RMST: variants seen among roughly 807,000 people sequenced by gnomAD.
The protein encoded by RMST is rhabdomyosarcoma 2 associated transcript.
chr12:97,551,745 G>A (rs1344804169), intron 11 of RMST: 4 of 152,068 alleles, frequency 2.6e-5, no homozygotes, highest in Non-Finnish European at 4.4e-5. Flanking sequence ...TATCACCCAC[G>A]AGGGAGGATC....
At chr12:97,463,205 A>C (rs1047790131) in exon 4 of RMST, 1 of 152,270 alleles carries the variant, frequency 6.6e-6, no homozygotes, top group East Asian at 1.9e-4. Flanking sequence ...AGAGCAGTAC[A>C]CACAGTGGAG....
At chr12:97,528,147 A>C (rs1487352324) in intron 10 of RMST, among the ~76,000 whole-genome samples, 2 of 152,142 alleles carry the variant, frequency 1.3e-5, no homozygotes, top group African/African-American at 4.8e-5. Context: ...GCATTAAAGC[A>C]AACTTTTGTA....
chr12:97,485,314 G>A (rs1875957010), intron 5 of RMST, among the ~76,000 whole-genome samples: 1 of 152,094 alleles, frequency 6.6e-6, no homozygotes, highest in Admixed American at 6.6e-5. Context: ...TTATTAAAAA[G>A]TATTAATTTA....
intron 10 of RMST, among the ~76,000 whole-genome samples, chr12:97,523,010 T>C (rs188236006): frequency 6.6e-6 from 1 of 152,328 alleles, no homozygotes; most frequent in Non-Finnish European, 1.5e-5. Flanking sequence ...TAGTAAATGC[T>C]TCCAGAATTG....
chr12:97,497,973 A>G (rs1369374275), intron 10 of RMST, among the ~76,000 whole-genome samples: 1 of 152,160 alleles, frequency 6.6e-6, no homozygotes, highest in Non-Finnish European at 1.5e-5. Flanking sequence ...AAGATCAATC[A>G]TCCATGGTTC....
chr12:97,549,150 A>G (rs1055040965), intron 11 of RMST, among the ~76,000 whole-genome samples: 4 of 152,180 alleles, frequency 2.6e-5, no homozygotes, highest in African/African-American at 4.8e-5. Flanking sequence ...TTAGCATTCA[A>G]ACGAGGTTCC....
intron 11 of RMST, among the ~76,000 whole-genome samples, chr12:97,537,873 T>C (rs925689565): frequency 1.3e-5 from 2 of 151,548 alleles, no homozygotes; most frequent in Admixed American, 6.6e-5. Context: ...AATGTGAATA[T>C]TTTACTCAAC....
chr12:97,476,079 G>C (rs1285145610), intron 5 of RMST, among the ~76,000 whole-genome samples: 1 of 152,108 alleles, frequency 6.6e-6, no homozygotes, highest in East Asian at 1.9e-4. Context: ...TTTCAGTAAA[G>C]ATTCTGGATA....
chr12:97,468,659 T>C (rs1385148434), intron 5 of RMST, among the ~76,000 whole-genome samples: 1 of 152,032 alleles, frequency 6.6e-6, no homozygotes, highest in Non-Finnish European at 1.5e-5. Flanking sequence ...GTCAGGAACA[T>C]ATGGTTTGTA....
chr12:97,493,620 C>T (rs1877097810), intron 7 of RMST, among the ~76,000 whole-genome samples: 1 of 152,124 alleles, frequency 6.6e-6, no homozygotes, highest in Non-Finnish European at 1.5e-5. Context: ...GAGTCTCTCT[C>T]TTAAACCTAT....
chr12:97,490,804 G>A (rs961972543), intron 5 of RMST, among the ~76,000 whole-genome samples: 14 of 152,138 alleles, frequency 9.2e-5, no homozygotes, highest in African/African-American at 2.9e-4. Flanking sequence ...TCAGCCAGAT[G>A]TTGTCATGAC....
chr12:97,540,995 T>G (rs1214153876), intron 11 of RMST, among the ~76,000 whole-genome samples: 1 of 148,634 alleles, frequency 6.7e-6, no homozygotes, highest in African/African-American at 2.5e-5. Flanking sequence ...GATACACAAG[T>G]CCTTTTTGTC....
intron 10 of RMST, among the ~76,000 whole-genome samples, chr12:97,507,837 CA>C (rs1878865820): frequency 6.6e-6 from 1 of 152,060 alleles, no homozygotes; most frequent in Admixed American, 6.5e-5. Flanking sequence ...TGAATGAAAG[CA>C]TGGAAGAACA....
intron 5 of RMST, among the ~76,000 whole-genome samples, chr12:97,468,537 CTG>C (rs1215689053): frequency 6.6e-6 from 1 of 151,930 alleles, no homozygotes; most frequent in African/African-American, 2.4e-5. Flanking sequence ...ATTTATAAGT[CTG>C]TGAATTTCCT....
intron 11 of RMST, among the ~76,000 whole-genome samples, chr12:97,536,038 A>T (rs535815135): frequency 6.6e-6 from 1 of 151,740 alleles, no homozygotes; most frequent in South Asian, 2.1e-4. Context: ...CAGAATTTTA[A>T]AGTCAGAGGC....
intron 11 of RMST, chr12:97,552,015 G>C (rs1285592962): frequency 1.3e-5 from 2 of 152,106 alleles, no homozygotes; most frequent in African/African-American, 4.8e-5. Context: ...GTAAGAAATC[G>C]CTAAATTATT....
chr12:97,550,354 C>T (rs946373738), intron 11 of RMST, among the ~76,000 whole-genome samples: 3 of 151,974 alleles, frequency 2.0e-5, no homozygotes, highest in African/African-American at 4.8e-5. Flanking sequence ...ATCATGCCAT[C>T]GCACTCCAGC....
chr12:97,507,575 C>T (rs7316835), intron 10 of RMST, among the ~76,000 whole-genome samples: 2 of 152,040 alleles, frequency 1.3e-5, no homozygotes, highest in East Asian at 3.9e-4. Context: ...AGTGGATGGT[C>T]GTGCCACTAT....
At chr12:97,503,896 T>C (rs1363012793) in intron 10 of RMST, among the ~76,000 whole-genome samples, 1 of 152,186 alleles carries the variant, frequency 6.6e-6, no homozygotes, top group African/African-American at 2.4e-5. Flanking sequence ...ACTATTCATT[T>C]ATTAAGAAAG....
Sources: gnomAD v4.1 joint callset for allele counts (sites outside exome capture counted in the v4.1 genomes callset) on GRCh38, gnomAD v4.1.1 for gene constraint, MANE v1.5 for transcripts, NCBI Gene and HGNC (gene_info 2026-07-23, HGNC 2026-07-21) for gene names.